The following PCDHAC1 variants were observed in gnomAD, a reference collection of about 807,000 sequenced individuals.
The protein encoded by PCDHAC1 is protocadherin alpha-C1.
PCDHAC1 carries 42 observed loss-of-function variants against 60.0 expected under a neutral mutation model. The observed-to-expected ratio is 0.70, with a 90% CI of 0.55 to 0.90. The LOEUF is 0.90. Among genes scored for constraint, PCDHAC1 ranks in the 40% least tolerant of loss-of-function variants. The pLI is 0.00. For synonymous variants in PCDHAC1, 468 were observed against 499.3 expected (o/e 0.94, Z 0.84); for missense variants, 1,160 against 1,222.3 (o/e 0.95, Z 0.76).
Position 140,928,375 on chromosome 5 carries a change from T to C in PCDHAC1, c.1483T>C (p.Ser495Pro). The change falls in exon 1 of 4, where the codon TCT (serine) becomes CCT (proline). Residue 495 changes from serine (S) to proline (P), a missense_variant. Ser to Pro is a moderately conservative substitution (Grantham distance 74). This residue lies in a region of PCDHAC1 where 1,113 missense variants were observed against 1,163.7 expected (regional missense o/e 0.96). Coordinates refer to ENST00000253807, the MANE Select transcript of PCDHAC1 (RefSeq NM_018898.5). ...LDVISEGPSA[S>P]SLLAVESSSG... ...TGTTATCTCTGAAGGGCCATCAGCCTCTAGCTTGCTGGCAGTGGAATCATC... is the reference window on the plus strand; with the variant it reads ...TGTTATCTCTGAAGGGCCATCAGCCCCTAGCTTGCTGGCAGTGGAATCATC... 1 of 1,614,184 alleles carries C rather than the reference T, an allele frequency of 6.2e-7. No individual in the cohort carries two copies.
chr5:140,929,232 G>A lies in PCDHAC1; in HGVS notation c.2340G>A (p.Leu780=), dbSNP rs782109734. Residue 780 remains leucine (L), a synonymous_variant, in exon 1 of 4, where the codon CTG becomes CTA. Coordinates refer to ENST00000253807, the MANE Select transcript of PCDHAC1 (RefSeq NM_018898.5). ...LLRGEYNAAD[L]RNLATGVGLN... ...GTGGGGAGTACAATGCTGCCGACCTGCGAAATCTTGCCACTGGGGTAGGAC... is the reference window on the plus strand; with the variant it reads ...GTGGGGAGTACAATGCTGCCGACCTACGAAATCTTGCCACTGGGGTAGGAC... 2.5e-6 allele frequency: 4 copies of A among 1,613,756 alleles called. No individual in the cohort carries two copies. In the Admixed American group the frequency reaches 5.0e-5, roughly 20 times the overall value.
At chr5:140,972,990 G>A (rs185555684) in intron 1 of PCDHAC1, among the ~76,000 whole-genome samples, 2 of 152,188 alleles carry the variant, frequency 1.3e-5, no homozygotes, top group African/African-American at 4.8e-5. Context: ...GGTAGATTCT[G>A]TGCATTTGTG....
intron 1 of PCDHAC1, among the ~76,000 whole-genome samples, chr5:140,940,904 GT>G (rs1437754574): frequency 6.6e-6 from 1 of 152,188 alleles, no homozygotes; most frequent in Non-Finnish European, 1.5e-5. Context: ...TTTAAATCAA[GT>G]TCAAGACTTG....
intron 1 of PCDHAC1, among the ~76,000 whole-genome samples, chr5:140,960,552 A>T (rs1269039449): frequency 6.6e-6 from 1 of 152,162 alleles, no homozygotes; most frequent in Non-Finnish European, 1.5e-5. Flanking sequence ...CTTCATATAG[A>T]CTGAGCTTAG....
chr5:140,968,094 A>G, intron 1 of PCDHAC1: 1 of 1,614,138 alleles, frequency 6.2e-7, no homozygotes. Flanking sequence ...ACAGCCACAG[A>G]TGGGGGAATA....
In PCDHAC1 at chr5:140,928,008, T is replaced by C; in HGVS notation, c.1116T>C (p.Asn372=). ...FSVKDEDLDS[N]GRVICGMSSA... ...TAAAGGATGAAGACCTCGATTCTAA[T>C]GGTAGGGTCATTTGTGGCATGTCTA... Residue 372 remains asparagine (N), a synonymous_variant, in exon 1 of 4, where the codon AAT becomes AAC. Coordinates refer to ENST00000253807, the MANE Select transcript of PCDHAC1 (RefSeq NM_018898.5). 1 of 1,614,158 alleles carries C rather than the reference T, an allele frequency of 6.2e-7. No homozygotes were observed. The highest frequency in any genetic ancestry group is 8.5e-7 in the Non-Finnish European group (1 of 1,180,028).
intron 1 of PCDHAC1, among the ~76,000 whole-genome samples, chr5:140,964,393 C>T (rs782008532): frequency 6.6e-6 from 1 of 152,098 alleles, no homozygotes; most frequent in Admixed American, 6.5e-5. Context: ...GTTTTTCTCC[C>T]AAGACATGAC....
chr5:140,990,686 G>A (rs1391341936), intron 3 of PCDHAC1, among the ~76,000 whole-genome samples: 1 of 152,124 alleles, frequency 6.6e-6, no homozygotes, highest in Admixed American at 6.5e-5. Context: ...AGCTGCTTTC[G>A]GAGAGTCCAG....
chr5:140,984,178 A>C (rs2097090747), intron 3 of PCDHAC1, among the ~76,000 whole-genome samples: 1 of 152,184 alleles, frequency 6.6e-6, no homozygotes, highest in South Asian at 2.1e-4. Context: ...AGCCACGTGA[A>C]ATCATGACTT....
intron 3 of PCDHAC1, among the ~76,000 whole-genome samples, chr5:140,983,123 G>A (rs781811003): frequency 2.0e-5 from 3 of 152,198 alleles, no homozygotes; most frequent in Non-Finnish European, 4.4e-5. Flanking sequence ...ACAACATTCT[G>A]CAGACTGACT....
At chr5:140,972,228 C>G (rs1295473743) in intron 1 of PCDHAC1, among the ~76,000 whole-genome samples, 1 of 151,964 alleles carries the variant, frequency 6.6e-6, no homozygotes, top group Admixed American at 6.5e-5. Flanking sequence ...CAGCCTCGAC[C>G]TTCTGGGCTC....
chr5:140,990,729 C>G (rs2097409512), intron 3 of PCDHAC1, among the ~76,000 whole-genome samples: 1 of 152,134 alleles, frequency 6.6e-6, no homozygotes, highest in Non-Finnish European at 1.5e-5. Flanking sequence ...CTAGGTATAT[C>G]AACAGCCCTA....
At chr5:140,950,343 A>C (rs1169343189) in intron 1 of PCDHAC1, among the ~76,000 whole-genome samples, 9 of 151,988 alleles carry the variant, frequency 5.9e-5, no homozygotes, top group African/African-American at 2.2e-4. Context: ...GATTTATCTT[A>C]GTTTTCCTTT....
At chr5:141,005,527 C>A (rs1448254191) in intron 3 of PCDHAC1, among the ~76,000 whole-genome samples, 1 of 151,230 alleles carries the variant, frequency 6.6e-6, no homozygotes, top group Non-Finnish European at 1.5e-5. Context: ...CACGGTGAAA[C>A]CCCGTCTCTA....
At position 140,993,185 on chromosome 5, in the gene PCDHAC1, G is replaced by A. The variant is rs1393686590; in HGVS notation, c.2581+10622G>A. Among the ~76,000 whole-genome samples, 5 of 152,162 alleles carry A rather than the reference G, an allele frequency of 3.3e-5. No homozygotes were observed. The South Asian group carries it at 8.3e-4, about 25-fold the overall frequency. The stretch of plus-strand genomic sequence containing the variant: ...TTGCCTTTGGGAAATTTCTTTAGAG[G>A]GAAACTCACTAAAGCTAATTTTTTT... On this transcript the variant is annotated intron_variant, in intron 3 of 3. Transcript: ENST00000253807.
intron 1 of PCDHAC1, among the ~76,000 whole-genome samples, chr5:140,933,958 G>A (rs2089541288): frequency 1.3e-5 from 2 of 151,998 alleles, no homozygotes; most frequent in South Asian, 4.1e-4. Context: ...AGGATCTGTA[G>A]TGATGTTTCC....
At chr5:141,006,313 G>A (rs190584023) in intron 3 of PCDHAC1, among the ~76,000 whole-genome samples, 18 of 152,072 alleles carry the variant, frequency 1.2e-4, no homozygotes, top group Admixed American at 1.1e-3. Context: ...CCGGGTTCAT[G>A]CCATTCTCCT....
At chr5:140,960,748 A>C (rs1408249489) in intron 1 of PCDHAC1, among the ~76,000 whole-genome samples, 1 of 152,008 alleles carries the variant, frequency 6.6e-6, no homozygotes, top group Non-Finnish European at 1.5e-5. Flanking sequence ...TCCATGGCTA[A>C]AATCCCAAGA....
chr5:140,928,022 G>A lies in PCDHAC1; in HGVS notation c.1130G>A (p.Cys377Tyr). The A allele has an allele frequency of 6.2e-7, 1 of 1,614,200 alleles. No homozygotes were observed. The highest frequency in any genetic ancestry group is 8.5e-7 in the Non-Finnish European group (1 of 1,180,038). ...EDLDSNGRVI[C>Y]GMSSAGPFQL... ...CTCGATTCTAATGGTAGGGTCATTT[G>A]TGGCATGTCTAGTGCAGGCCCTTTT... is the stretch of plus-strand genomic sequence containing the variant. The change falls in exon 1 of 4, where the codon TGT (cysteine) becomes TAT (tyrosine). Residue 377 changes from cysteine to tyrosine, a missense_variant. Cys to Tyr is a radical substitution (Grantham distance 194). This residue lies in a region of PCDHAC1 where 1,113 missense variants were observed against 1,163.7 expected (regional missense o/e 0.96). Coordinates refer to ENST00000253807, the MANE Select transcript of PCDHAC1 (RefSeq NM_018898.5).
Sources: gnomAD v4.1 joint callset for allele counts (sites outside exome capture counted in the v4.1 genomes callset) on GRCh38, gnomAD v4.1.1 for gene constraint, gnomAD v4.1.1 regional missense constraint, MANE v1.5 for transcripts, NCBI Gene and HGNC (gene_info 2026-07-23, HGNC 2026-07-21) for gene names.